The following DNAH3 variants were observed in gnomAD, a reference collection of about 807,000 sequenced individuals.
DNAH3 encodes axonemal beta dynein heavy chain 3.
Under a neutral mutation model 432.5 loss-of-function variants are expected in DNAH3, and 332 were observed. The observed-to-expected ratio is 0.77, with a 90% CI of 0.70 to 0.84. DNAH3 has a LOEUF of 0.84. DNAH3 is among the 40% of genes least tolerant of loss of function. The pLI is 0.00. For synonymous variants in DNAH3, 1,956 were observed against 1,900.2 expected (o/e 1.03, Z -0.76); for missense variants, 4,861 against 5,114.0 (o/e 0.95, Z 1.51).
chr16:21,045,669 T>G (rs2089662000), intron 31 of DNAH3, among the ~76,000 whole-genome samples: 1 of 149,230 alleles, frequency 6.7e-6, no homozygotes. Flanking sequence ...TGTGTCTCTA[T>G]TTCCTTCAGT....
intron 1 of DNAH3, among the ~76,000 whole-genome samples, chr16:21,153,630 A>G (rs772115007): frequency 1.3e-5 from 2 of 151,968 alleles, no homozygotes; most frequent in African/African-American, 2.4e-5. Flanking sequence ...TAGCTGTAAC[A>G]CTCACGGTGA....
rs369777727 is a variant in DNAH3 at position 21,137,515 on chromosome 16, C to T, written c.697-1002G>A. Among the ~76,000 whole-genome samples, 285 of 151,830 alleles carry T rather than the reference C, an allele frequency of 1.9e-3. 1 individual carries two copies. Among genetic ancestry groups the T allele is most frequent in the Non-Finnish European group, 3.1e-3 (214 of 67,940 alleles). On this transcript the variant is annotated intron_variant, in intron 5 of 61. Transcript: ENST00000261383. ...TCAGCTCACTGCAACCTCTGCCTCC[C>T]GGGTTCAAGCAATTCTCCTGCCTCA...
At chr16:20,942,118 G>A (rs1433020797) in intron 58 of DNAH3, among the ~76,000 whole-genome samples, 2 of 150,180 alleles carry the variant, frequency 1.3e-5, no homozygotes, top group Non-Finnish European at 3.0e-5. Context: ...GGCAAGAGCC[G>A]AAGGGCCAGG....
intron 51 of DNAH3, among the ~76,000 whole-genome samples, chr16:20,971,736 A>G (rs2085351862): frequency 6.6e-6 from 1 of 152,164 alleles, no homozygotes; most frequent in Non-Finnish European, 1.5e-5. Flanking sequence ...TTGGCCTGAC[A>G]TTACAGAGCA....
chr16:20,937,821 G>A (rs1255366407), intron 59 of DNAH3, among the ~76,000 whole-genome samples: 1 of 151,976 alleles, frequency 6.6e-6, no homozygotes, highest in African/African-American at 2.4e-5. Flanking sequence ...ACCACGCCTG[G>A]CCAAAGGTCC....
At chr16:20,951,698 G>A (rs1230876122) in intron 56 of DNAH3, among the ~76,000 whole-genome samples, 1 of 146,932 alleles carries the variant, frequency 6.8e-6, no homozygotes, top group African/African-American at 2.5e-5. Context: ...GTCTCCCAAA[G>A]TGCTGGGATT....
chr16:21,050,149 G>T, intron 29 of DNAH3, 131 bp from the exon 30 acceptor site: 1 of 678,892 alleles, frequency 1.5e-6, no homozygotes, highest in Non-Finnish European at 2.4e-6. Flanking sequence ...GCCATTGAAA[G>T]TAATGCTAAA....
intron 20 of DNAH3, among the ~76,000 whole-genome samples, chr16:21,080,748 T>A (rs1357528112): frequency 6.6e-6 from 1 of 152,024 alleles, no homozygotes; most frequent in Non-Finnish European, 1.5e-5. Context: ...GGGTCTCCAG[T>A]CCAGGCAATG....
At chr16:20,969,292 A>ATGTG (rs35457410) in intron 52 of DNAH3, among the ~76,000 whole-genome samples, 35 of 145,924 alleles carry the variant, frequency 2.4e-4, no homozygotes, top group African/African-American at 7.4e-4. Flanking sequence ...ATGTGTGTGC[A>ATGTG]TGTGTGTGTG....
At chr16:21,030,942 A>C (rs969610759) in intron 37 of DNAH3, 103 bp downstream of exon 37, 1 of 1,185,072 alleles carries the variant, frequency 8.4e-7, no homozygotes, top group Middle Eastern at 2.2e-4. Context: ...CAGAATACAT[A>C]CATAATAAAT....
intron 20 of DNAH3, among the ~76,000 whole-genome samples, chr16:21,076,298 T>C (rs1158819593): frequency 2.0e-5 from 3 of 152,146 alleles, no homozygotes; most frequent in African/African-American, 7.2e-5. Flanking sequence ...TGTCAATTCA[T>C]AGGGGAAGAC....
intron 44 of DNAH3, among the ~76,000 whole-genome samples, chr16:20,988,911 T>TA (rs1567594831): frequency 6.6e-6 from 1 of 152,134 alleles, no homozygotes; most frequent in Admixed American, 6.5e-5. Flanking sequence ...GTTACAGCTC[T>TA]TAAGGCGGCA....
Position 20,961,250 on chromosome 16 carries a change from G to C in DNAH3, c.10601-1846C>G, listed in dbSNP as rs190827533. On this transcript the variant is annotated intron_variant, in intron 53 of 61. Transcript: ENST00000261383. ...TCAGAATGTAACTGTTCAGTAGTTG[G>C]AGATAGGGTCTTTGCGGAGGCAAAG... Among the ~76,000 whole-genome samples the C allele has an allele frequency of 6.7e-4, 102 of 152,252 alleles. 1 individual carries two copies. The highest frequency in any genetic ancestry group is 1.1e-3 in the Non-Finnish European group (78 of 68,020).
chr16:21,115,356 C>T (rs1474235115), intron 12 of DNAH3, among the ~76,000 whole-genome samples: 3 of 147,182 alleles, frequency 2.0e-5, no homozygotes, highest in South Asian at 4.3e-4. Context: ...CAAACCTGCA[C>T]GTTGTGCACA....
intron 56 of DNAH3, among the ~76,000 whole-genome samples, chr16:20,950,699 T>G (rs2084272103): frequency 6.6e-6 from 1 of 152,236 alleles, no homozygotes; most frequent in Non-Finnish European, 1.5e-5. Flanking sequence ...GGTGTTTTAA[T>G]TAAGCTGCAT....
At chr16:21,134,542 G>A in intron 6 of DNAH3, 88 bp from the exon 8 acceptor site, 1 of 1,286,200 alleles carries the variant, frequency 7.8e-7, no homozygotes, top group East Asian at 2.5e-5. Context: ...TTTTAATATA[G>A]AGACGGGGTC....
At chr16:20,935,368 G>A (rs149238729) in exon 61 of DNAH3, 9 of 1,613,908 alleles carry the variant, frequency 5.6e-6, no homozygotes, top group Non-Finnish European at 7.6e-6. Context: ...AATCCAATGT[G>A]GTCAATGGGG....
intron 42 of DNAH3, among the ~76,000 whole-genome samples, chr16:21,001,757 T>C (rs184715288): frequency 2.0e-5 from 3 of 152,242 alleles, no homozygotes; most frequent in Admixed American, 6.5e-5. Flanking sequence ...TCCAAAGCCA[T>C]ATAGCCAGCA....
chr16:21,038,058 C>T, intron 33 of DNAH3, 78 bp from the exon 34 acceptor site: 1 of 1,331,612 alleles, frequency 7.5e-7, no homozygotes, highest in Non-Finnish European at 1.1e-6. Context: ...ATATCCTTGT[C>T]CTTGCCCCGT....
Sources: allele counts gnomAD v4.1 joint callset (sites outside exome capture counted in the v4.1 genomes callset), GRCh38; gene constraint gnomAD v4.1.1; transcripts MANE v1.5; gene names NCBI Gene and HGNC (gene_info 2026-07-23, HGNC 2026-07-21).